The following SNW1 variants were observed in gnomAD, a reference collection of about 807,000 sequenced individuals.
The protein encoded by SNW1 is SNW domain containing 1.
Under a neutral mutation model 75.6 loss-of-function variants are expected in SNW1, and 9 were observed. That is an observed-to-expected ratio of 0.12 (90% CI 0.07 to 0.21). The LOEUF (loss-of-function observed/expected upper bound fraction) is 0.21, where lower values mean the gene tolerates loss of function less well. Among genes scored for constraint, SNW1 ranks in the 10% least tolerant of loss-of-function variants. SNW1 has a pLI of 1.00. For synonymous variants in SNW1, 200 were observed against 219.1 expected (o/e 0.91, Z 0.77); for missense variants, 409 against 670.9 (o/e 0.61, Z 4.31).
At chr14:77,740,585 A>G (rs2080710529) in intron 3 of SNW1, among the ~76,000 whole-genome samples, 1 of 152,066 alleles carries the variant, frequency 6.6e-6, no homozygotes, top group Non-Finnish European at 1.5e-5. Context: ...CCCCAATTCT[A>G]GGCCTTTACA....
chr14:77,754,118 C>T (rs550990089), intron 2 of SNW1, among the ~76,000 whole-genome samples: 4 of 151,658 alleles, frequency 2.6e-5, no homozygotes, highest in South Asian at 4.2e-4. Context: ...GATCTTGGCT[C>T]ACCACAACCT....
intron 10 of SNW1, among the ~76,000 whole-genome samples, chr14:77,728,733 G>T (rs1038509585): frequency 1.8e-4 from 28 of 152,148 alleles, no homozygotes; most frequent in Admixed American, 1.8e-3. Context: ...GACCTGCGCA[G>T]ATTACTTAAT....
intron 1 of SNW1, among the ~76,000 whole-genome samples, chr14:77,757,237 AT>A (rs995807334): frequency 4.0e-5 from 6 of 151,470 alleles, no homozygotes; most frequent in Admixed American, 4.0e-4. Context: ...AAAAAAAAAA[AT>A]CACACAAATC....
chr14:77,731,266 G>A (rs572782998), intron 9 of SNW1, 137 bp from the exon 10 acceptor site: 311 of 949,792 alleles, frequency 3.3e-4, no homozygotes, highest in Non-Finnish European at 4.1e-4. Flanking sequence ...AAAACAAAGA[G>A]TCTTGTCCAC....
chr14:77,737,185 G>T, intron 5 of SNW1, 110 bp from the exon 6 acceptor site: 1 of 718,866 alleles, frequency 1.4e-6, no homozygotes, highest in Non-Finnish European at 2.4e-6. Flanking sequence ...CTTTCGCAAA[G>T]TATTAACAGA....
chr14:77,718,253 G>C lies in SNW1; in HGVS notation c.1446C>G (p.Asp482Glu). 6.2e-7 allele frequency: 1 copy of C among 1,613,552 alleles called. No homozygotes were observed. Among genetic ancestry groups the C allele is most frequent in the Non-Finnish European group, 8.5e-7 (1 of 1,179,714 alleles). The change falls in exon 14 of 14, where the codon GAC (aspartate) becomes GAG (glutamate). Residue 482 changes from aspartate to glutamate, a missense_variant. By Grantham distance (45) the Asp-to-Glu change is conservative (BLOSUM62 2). Coordinates refer to ENST00000261531, the MANE Select transcript of SNW1 (RefSeq NM_012245.3). ...FVPDKEFSGS[D>E]RRQRGREGPV... ...GTCCTTCTCGGCCTCTCTGTCTACG[G>C]TCTGAACCAGAAAACTCCTTGTCGG...
intron 10 of SNW1, among the ~76,000 whole-genome samples, chr14:77,724,656 A>G (rs1357056653): frequency 6.6e-6 from 1 of 152,196 alleles, no homozygotes. Flanking sequence ...CTTCAGTTCC[A>G]TCCATATTGT....
intron 3 of SNW1, among the ~76,000 whole-genome samples, chr14:77,746,241 G>C (rs1047323121): frequency 1.3e-5 from 2 of 152,220 alleles, no homozygotes; most frequent in Non-Finnish European, 2.9e-5. Context: ...ACACTTGCGT[G>C]TATGTGTATA....
At chr14:77,758,124 G>T (rs531807129) in intron 1 of SNW1, among the ~76,000 whole-genome samples, 2 of 152,132 alleles carry the variant, frequency 1.3e-5, no homozygotes, top group Middle Eastern at 3.4e-3. Context: ...GAGGCCAGGA[G>T]TTCGAGACCA....
chr14:77,717,814 TA>T lies in SNW1; in HGVS notation c.*273del. 1 of 575,416 alleles carries T rather than the reference TA, an allele frequency of 1.7e-6. No individual in the cohort carries two copies. The allele number at this position is 575,416 out of a possible 1,614,324, so 35.6% of individuals were successfully genotyped here. On this transcript the variant is annotated 3_prime_UTR_variant, in exon 14 of 14. Transcript: ENST00000261531. ...TTAACCCCAAACTACTAGTGTCACA[TA>T]AAAGTAAGTGGTCTTGACTTTGTAT...
intron 9 of SNW1, among the ~76,000 whole-genome samples, chr14:77,731,865 A>C (rs2139903864): frequency 6.6e-6 from 1 of 152,234 alleles, no homozygotes; most frequent in East Asian, 1.9e-4. Context: ...CAGCCTCCCA[A>C]GTAGCTAGGA....
intron 8 of SNW1, among the ~76,000 whole-genome samples, chr14:77,734,416 T>C (rs1358513026): frequency 1.3e-5 from 2 of 152,356 alleles, no homozygotes; most frequent in East Asian, 3.9e-4. Context: ...TCCTTCTCTA[T>C]GTGCTTCTGC....
At chr14:77,739,088 T>TA (rs779516034) in intron 3 of SNW1, 27 bp from the exon 4 acceptor site, 52 of 1,552,602 alleles carry the variant, frequency 3.3e-5, no homozygotes, top group Non-Finnish European at 4.3e-5. Flanking sequence ...CAAGCAGGCT[T>TA]AAGAAAAGCA....
chr14:77,724,417 CACTAACT>C (rs763573544), intron 10 of SNW1, among the ~76,000 whole-genome samples: 1 of 152,122 alleles, frequency 6.6e-6, no homozygotes, highest in African/African-American at 2.4e-5. Flanking sequence ...AATAAATTAT[CACTAACT>C]ATTCACCCCA....
intron 10 of SNW1, among the ~76,000 whole-genome samples, chr14:77,726,548 A>G (rs780228159): frequency 7.9e-5 from 12 of 152,046 alleles, no homozygotes; most frequent in Non-Finnish European, 1.6e-4. Flanking sequence ...GGCTATGTGC[A>G]GTGACTCATG....
At position 77,729,763 on chromosome 14, in the gene SNW1, T is replaced by C. The variant is rs1309198043; in HGVS notation, c.1033+1225A>G. Among the ~76,000 whole-genome samples the C allele has an allele frequency of 2.0e-5, 3 of 152,234 alleles. No individual in the cohort carries two copies. The East Asian group carries it at 5.8e-4, about 29-fold the overall frequency. On this transcript the variant is annotated intron_variant, in intron 10 of 13. Coordinates refer to ENST00000261531, the MANE Select transcript of SNW1 (RefSeq NM_012245.3). ...GCAGTAGTGAATATTTCACAGTGTATATTAAAACATCATGTTGTATGTTTT... is the reference window on the plus strand; with the variant it reads ...GCAGTAGTGAATATTTCACAGTGTACATTAAAACATCATGTTGTATGTTTT...
chr14:77,735,584 A>C (rs1422059101), intron 7 of SNW1, among the ~76,000 whole-genome samples: 1 of 152,178 alleles, frequency 6.6e-6, no homozygotes, highest in African/African-American at 2.4e-5. Flanking sequence ...CGCCCGGCCG[A>C]TGTGACTTCT....
At chr14:77,747,007 A>C (rs1271481754) in intron 3 of SNW1, among the ~76,000 whole-genome samples, 3 of 150,626 alleles carry the variant, frequency 2.0e-5, no homozygotes, top group African/African-American at 7.4e-5. Flanking sequence ...GGCTCACTGC[A>C]ACCTCCCTGC....
intron 3 of SNW1, among the ~76,000 whole-genome samples, chr14:77,742,895 A>G (rs990422669): frequency 6.6e-6 from 1 of 151,864 alleles, no homozygotes; most frequent in African/African-American, 2.4e-5. Flanking sequence ...TAACTATTTC[A>G]GAGGGAAAAA....
Sources: gnomAD v4.1 joint callset for allele counts (sites outside exome capture counted in the v4.1 genomes callset) on GRCh38, gnomAD v4.1.1 for gene constraint, MANE v1.5 for transcripts, NCBI Gene and HGNC (gene_info 2026-07-23, HGNC 2026-07-21) for gene names.